The following KLF7 variants were observed in gnomAD, a reference collection of about 807,000 sequenced individuals.
KLF7 encodes KLF transcription factor 7, also known as Krueppel-like factor 7.
Under a neutral mutation model 27.3 loss-of-function variants are expected in KLF7, and 2 were observed. The ratio of observed to expected loss-of-function variants is 0.07; its 90% CI spans 0.03 to 0.23. The LOEUF (loss-of-function observed/expected upper bound fraction) is 0.23, where lower values mean the gene tolerates loss of function less well. KLF7 is among the 10% of genes least tolerant of loss of function. KLF7 has a pLI of 1.00. For synonymous variants in KLF7, 165 were observed against 162.4 expected (o/e 1.02, Z -0.12); for missense variants, 221 against 394.1 (o/e 0.56, Z 3.72).
chr2:207,092,852 A>G (rs1331713926), intron 2 of KLF7, among the ~76,000 whole-genome samples: 1 of 152,262 alleles, frequency 6.6e-6, no homozygotes. Flanking sequence ...TCAATAGACC[A>G]ATTAAAAATG....
In KLF7 at chr2:207,081,061, A is replaced by ATGTGTG. The variant is rs59847589; in HGVS notation, c.*146_*151dup. On this transcript the variant is annotated 3_prime_UTR_variant, in exon 4 of 4. Coordinates refer to ENST00000309446, the MANE Select transcript of KLF7 (RefSeq NM_003709.4). ...TGTGTGGGTCTGTGAGTGTGTGTAT[A>ATGTGTG]TGTGTGTGTGTGTGTGTGTGTGTAC... 4,707 of 670,714 alleles carry ATGTGTG rather than the reference A, an allele frequency of 7.0e-3. 4 individuals are homozygous for ATGTGTG. The highest frequency in any genetic ancestry group is 9.1e-3 in the East Asian group (358 of 39,468). 41.5% of individuals were successfully genotyped at this position (670,714 alleles called of 1,614,324 possible). A position where few individuals can be genotyped will look rare whatever the true frequency, so the allele number is the denominator to read the frequency against.
At position 207,077,953 on chromosome 2, in the gene KLF7, T is replaced by G. The variant is rs1338380234; in HGVS notation, c.*3260A>C. The G allele has an allele frequency of 6.6e-6, 1 of 152,132 alleles. No individual in the cohort carries two copies. The highest frequency in any genetic ancestry group is 1.5e-5 in the Non-Finnish European group (1 of 68,022). 9.4% of individuals were successfully genotyped at this position (152,132 alleles called of 1,614,324 possible). A position where few individuals can be genotyped will look rare whatever the true frequency, so the allele number is the denominator to read the frequency against. On this transcript the variant is annotated 3_prime_UTR_variant, in exon 4 of 4. Transcript: ENST00000309446. ...GAGGGTTAGGAGGTAACAACTGAAA[T>G]GAGAAAGGGGTTTAATGTGTTTCAA... is the stretch of plus-strand genomic sequence containing the variant.
intron 2 of KLF7, among the ~76,000 whole-genome samples, chr2:207,092,921 G>A (rs1274298481): frequency 6.6e-6 from 1 of 152,198 alleles, no homozygotes; most frequent in African/African-American, 2.4e-5. Flanking sequence ...CAAAAAGACT[G>A]TGTTGCACAA....
At chr2:207,119,470 A>G (rs77070257) in intron 2 of KLF7, among the ~76,000 whole-genome samples, 2 of 141,150 alleles carry the variant, frequency 1.4e-5, no homozygotes, top group African/African-American at 5.1e-5. Context: ...TTTTTTTTTT[A>G]ATATTGGAAG....
At chr2:207,106,573 G>A (rs2076888936) in intron 2 of KLF7, among the ~76,000 whole-genome samples, 1 of 152,080 alleles carries the variant, frequency 6.6e-6, no homozygotes, top group Non-Finnish European at 1.5e-5. Flanking sequence ...GAAAAAAAAT[G>A]GTCAATCAAG....
chr2:207,166,855 A>G (rs1331700220), upstream of KLF7: 35 of 1,051,518 alleles, frequency 3.3e-5, no homozygotes, highest in East Asian at 6.4e-5. Flanking sequence ...GTGCCACACA[A>G]TGGGAGAGAA....
intron 2 of KLF7, among the ~76,000 whole-genome samples, chr2:207,104,344 G>C (rs915682497): frequency 4.6e-5 from 7 of 151,994 alleles, no homozygotes; most frequent in Admixed American, 4.6e-4. Flanking sequence ...ACTAAGTGTA[G>C]GGGAAAGGTA....
intron 1 of KLF7, among the ~76,000 whole-genome samples, chr2:207,156,342 T>C (rs1375906063): frequency 6.6e-6 from 1 of 152,254 alleles, no homozygotes; most frequent in Non-Finnish European, 1.5e-5. Context: ...TTCCACAGTT[T>C]ATTTTTGCTC....
In KLF7 at chr2:207,076,371, T is replaced by A. The variant is rs1040477207; in HGVS notation, c.*4842A>T. ...CTTGTTTGGGATATTTGTGAAGTGA[T>A]GGCCCAGGATTTCTCTCTCTGTTTT... On this transcript the variant is annotated 3_prime_UTR_variant, in exon 4 of 4. Transcript: ENST00000309446. The A allele has an allele frequency of 6.6e-6, 1 of 152,154 alleles. No homozygotes were observed. Among genetic ancestry groups the A allele is most frequent in the East Asian group, 1.9e-4 (1 of 5,192 alleles). The allele number at this position is 152,154 out of a possible 1,614,324, so 9.4% of individuals were successfully genotyped here. A position where few individuals can be genotyped will look rare whatever the true frequency, so the allele number is the denominator to read the frequency against.
At chr2:207,124,762 A>T (rs2077435861) in intron 1 of KLF7, among the ~76,000 whole-genome samples, 1 of 152,212 alleles carries the variant, frequency 6.6e-6, no homozygotes, top group Non-Finnish European at 1.5e-5. Context: ...GCAAGCAAGA[A>T]GCAAATAGAA....
chr2:207,091,353 G>A (rs978205420), intron 2 of KLF7, among the ~76,000 whole-genome samples: 5 of 152,114 alleles, frequency 3.3e-5, no homozygotes, highest in African/African-American at 9.7e-5. Context: ...CAGTGTCCTC[G>A]TGGCTGTGTC....
intron 1 of KLF7, among the ~76,000 whole-genome samples, chr2:207,139,566 T>G (rs1398524950): frequency 6.6e-6 from 1 of 152,072 alleles, no homozygotes; most frequent in Non-Finnish European, 1.5e-5. Context: ...CAAACCATTA[T>G]CTCTTAGTAC....
chr2:207,139,542 T>C (rs975096238), intron 1 of KLF7, among the ~76,000 whole-genome samples: 5 of 152,068 alleles, frequency 3.3e-5, no homozygotes, highest in African/African-American at 1.2e-4. Flanking sequence ...TCTCAAAACA[T>C]TCTAAAAATC....
intron 1 of KLF7, among the ~76,000 whole-genome samples, chr2:207,148,610 CA>C (rs2078160325): frequency 6.6e-6 from 1 of 152,120 alleles, no homozygotes; most frequent in Non-Finnish European, 1.5e-5. Flanking sequence ...TTTTTAAAAT[CA>C]GGGGACTTCA....
intron 1 of KLF7, among the ~76,000 whole-genome samples, chr2:207,145,938 A>G (rs1210159912): frequency 6.6e-6 from 1 of 152,220 alleles, no homozygotes; most frequent in Non-Finnish European, 1.5e-5. Flanking sequence ...AAAATCACCA[A>G]AGAGAAATAA....
intron 1 of KLF7, chr2:207,134,216 C>A: frequency 1.8e-6 from 2 of 1,128,338 alleles, no homozygotes; most frequent in South Asian, 3.3e-5. Flanking sequence ...GGAACACAGT[C>A]ATCTCCTTCT....
chr2:207,163,973 T>C (rs553410766), intron 1 of KLF7, among the ~76,000 whole-genome samples: 15 of 152,334 alleles, frequency 9.8e-5, no homozygotes, highest in African/African-American at 3.6e-4. Flanking sequence ...GAACTGTGTA[T>C]GTGTTTACAG....
chr2:207,166,189 C>A, upstream of KLF7: 2 of 985,964 alleles, frequency 2.0e-6, no homozygotes, highest in Non-Finnish European at 2.4e-6. Flanking sequence ...CCGCGTGTGA[C>A]CATGTAAGGT....
chr2:207,106,059 C>G (rs1303907159), intron 2 of KLF7, among the ~76,000 whole-genome samples: 1 of 152,100 alleles, frequency 6.6e-6, no homozygotes, highest in Non-Finnish European at 1.5e-5. Flanking sequence ...AGTATTAGAA[C>G]TAATTAGTAT....
Sources: allele counts gnomAD v4.1 joint callset (sites outside exome capture counted in the v4.1 genomes callset), GRCh38; gene constraint gnomAD v4.1.1; transcripts MANE v1.5; gene names NCBI Gene and HGNC (gene_info 2026-07-23, HGNC 2026-07-21).